NTNG1: variants seen among roughly 807,000 people sequenced by gnomAD.
NTNG1 encodes netrin-G1.
Under a neutral mutation model 54.0 loss-of-function variants are expected in NTNG1, and 16 were observed. That is an observed-to-expected ratio of 0.30 (90% CI 0.20 to 0.45). The LOEUF (loss-of-function observed/expected upper bound fraction) is 0.45. Among genes scored for constraint, NTNG1 ranks in the 20% least tolerant of loss-of-function variants. NTNG1 has a pLI of 1.00. For synonymous variants in NTNG1, 255 were observed against 263.1 expected, an observed-to-expected ratio of 0.97 and a Z score of 0.30; for missense variants, 530 against 678.7, an observed-to-expected ratio of 0.78 and a Z score of 2.43.
upstream of NTNG1, among the ~76,000 whole-genome samples, chr1:107,140,443 G>A (rs568325240): frequency 7.2e-5 from 11 of 152,174 alleles, no homozygotes; most frequent in South Asian, 2.1e-3. Flanking sequence ...CGGGGAGTCC[G>A]GGAGCCGCAA....
chr1:107,407,530 T>C (rs1486080993), intron 4 of NTNG1, 152 bp from the exon 5 acceptor site: 1 of 612,340 alleles, frequency 1.6e-6, no homozygotes, highest in Non-Finnish European at 2.9e-6. Flanking sequence ...TATATGCATA[T>C]ATATGTGCAC....
intron 2 of NTNG1, among the ~76,000 whole-genome samples, chr1:107,187,329 T>C (rs1657539381): frequency 1.3e-5 from 2 of 152,144 alleles, no homozygotes; most frequent in Non-Finnish European, 2.9e-5. Flanking sequence ...TTTAGTAATG[T>C]GTTGATCTAA....
intron 3 of NTNG1, among the ~76,000 whole-genome samples, chr1:107,351,362 A>C (rs1376588268): frequency 1.3e-5 from 2 of 152,222 alleles, no homozygotes; most frequent in Non-Finnish European, 2.9e-5. Flanking sequence ...ACAGTTCTGC[A>C]GGCTATACAG....
intron 7 of NTNG1, among the ~76,000 whole-genome samples, chr1:107,457,378 T>A (rs1463649746): frequency 2.0e-5 from 3 of 152,224 alleles, no homozygotes; most frequent in Non-Finnish European, 2.9e-5. Context: ...TTGCACCTTT[T>A]ACATTTACCC....
At chr1:107,259,947 A>G (rs1663193864) in intron 2 of NTNG1, among the ~76,000 whole-genome samples, 1 of 152,212 alleles carries the variant, frequency 6.6e-6, no homozygotes, top group Admixed American at 6.5e-5. Flanking sequence ...TAAGTCAGAA[A>G]CTTGCTAAAA....
intron 2 of NTNG1, among the ~76,000 whole-genome samples, chr1:107,151,182 A>G (rs1654542265): frequency 6.6e-6 from 1 of 152,206 alleles, no homozygotes; most frequent in Non-Finnish European, 1.5e-5. Context: ...TTAAATATAT[A>G]CCTTGTGACT....
chr1:107,417,349 T>G (rs1398147034), intron 5 of NTNG1, among the ~76,000 whole-genome samples: 1 of 152,052 alleles, frequency 6.6e-6, no homozygotes, highest in East Asian at 1.9e-4. Flanking sequence ...AACAAATATT[T>G]AAAAAAGCAA....
chr1:107,162,776 A>AT (rs569239013), intron 2 of NTNG1, among the ~76,000 whole-genome samples: 3 of 152,090 alleles, frequency 2.0e-5, no homozygotes, highest in African/African-American at 4.8e-5. Context: ...ACCATATGTA[A>AT]TTTTTTTCCC....
chr1:107,436,567 T>A (rs959965660), intron 6 of NTNG1, 98 bp from the exon 7 acceptor site: 1 of 968,134 alleles, frequency 1.0e-6, no homozygotes, highest in Non-Finnish European at 1.5e-6. Context: ...CATCTTTCTT[T>A]AAGTAAGTGA....
At chr1:107,230,550 A>G (rs763510788) in intron 2 of NTNG1, among the ~76,000 whole-genome samples, 3 of 152,192 alleles carry the variant, frequency 2.0e-5, no homozygotes, top group Non-Finnish European at 4.4e-5. Context: ...GGATTTGAAT[A>G]CTGTTTCTTT....
chr1:107,354,266 C>A (rs1284478365), intron 3 of NTNG1, among the ~76,000 whole-genome samples: 1 of 151,712 alleles, frequency 6.6e-6, no homozygotes, highest in South Asian at 2.1e-4. Flanking sequence ...GTCAAGAGTT[C>A]AAGACCAGCC....
chr1:107,167,907 AC>A (rs1655928981), intron 2 of NTNG1, among the ~76,000 whole-genome samples: 2 of 151,940 alleles, frequency 1.3e-5, no homozygotes, highest in South Asian at 4.1e-4. Flanking sequence ...GATGCTTCTT[AC>A]CTTGGGTTGT....
At chr1:107,476,932 C>T (rs1458780716) in intron 7 of NTNG1, among the ~76,000 whole-genome samples, 2 of 152,152 alleles carry the variant, frequency 1.3e-5, no homozygotes, top group African/African-American at 2.4e-5. Flanking sequence ...AAAACTGAAA[C>T]CATTTCTAGG....
intron 2 of NTNG1, among the ~76,000 whole-genome samples, chr1:107,232,001 G>T (rs551634600): frequency 3.3e-5 from 5 of 152,010 alleles, no homozygotes; most frequent in African/African-American, 4.8e-5. Flanking sequence ...AATAATGAAG[G>T]CCTCTTGATT....
intron 2 of NTNG1, among the ~76,000 whole-genome samples, chr1:107,261,993 G>GTTTAC (rs1663380682): frequency 6.6e-6 from 1 of 152,262 alleles, no homozygotes; most frequent in African/African-American, 2.4e-5. Flanking sequence ...CATTCTAGGA[G>GTTTAC]TTTACTCTGA....
intron 4 of NTNG1, among the ~76,000 whole-genome samples, chr1:107,398,979 A>G (rs1293156204): frequency 6.6e-6 from 1 of 152,138 alleles, no homozygotes; most frequent in Non-Finnish European, 1.5e-5. Context: ...TATAGATGCT[A>G]AAAGCTTAAT....
At chr1:107,387,731 T>A (rs185658045) in intron 3 of NTNG1, among the ~76,000 whole-genome samples, 1 of 152,354 alleles carries the variant, frequency 6.6e-6, no homozygotes, top group East Asian at 1.9e-4. Flanking sequence ...CAAGTTACTT[T>A]ACTGCTCTCA....
chr1:107,155,563 C>T (rs1654926987), intron 2 of NTNG1, among the ~76,000 whole-genome samples: 1 of 152,068 alleles, frequency 6.6e-6, no homozygotes, highest in East Asian at 1.9e-4. Flanking sequence ...TTTATATACC[C>T]ACATACACAT....
At chr1:107,380,689 A>G (rs1054838794) in intron 3 of NTNG1, among the ~76,000 whole-genome samples, 8 of 152,160 alleles carry the variant, frequency 5.3e-5, no homozygotes, top group African/African-American at 1.9e-4. Context: ...TTTTTCCAGC[A>G]AGTGTTTATT....
Sources: gnomAD v4.1 joint callset for allele counts (sites outside exome capture counted in the v4.1 genomes callset) on GRCh38, gnomAD v4.1.1 for gene constraint, MANE v1.5 for transcripts, NCBI Gene and HGNC (gene_info 2026-07-23, HGNC 2026-07-21) for gene names.